The following ZNF704 variants were observed in gnomAD, a reference collection of about 807,000 sequenced individuals.
ZNF704 encodes the protein zinc finger protein 704.
In ZNF704, 10 loss-of-function variants were observed where a neutral mutation model predicts 44.7. The observed-to-expected ratio is 0.22, with a 90% CI of 0.14 to 0.38. The LOEUF (loss-of-function observed/expected upper bound fraction) is 0.38, where lower values mean the gene tolerates loss of function less well. Among genes scored for constraint, ZNF704 ranks in the 10% least tolerant of loss-of-function variants. ZNF704 has a pLI of 1.00. For synonymous variants in ZNF704, 211 were observed against 207.6 expected (o/e 1.02, Z -0.14); for missense variants, 390 against 545.5 (o/e 0.71, Z 2.84).
intron 1 of ZNF704, among the ~76,000 whole-genome samples, chr8:80,827,135 G>A (rs1234206084): frequency 6.6e-6 from 1 of 152,146 alleles, no homozygotes; most frequent in Non-Finnish European, 1.5e-5. Context: ...AAGCCAAATT[G>A]TCCCTGTTTG....
intron 7 of ZNF704, among the ~76,000 whole-genome samples, chr8:80,653,543 A>G (rs1043041633): frequency 2.0e-5 from 3 of 149,056 alleles, no homozygotes; most frequent in East Asian, 3.8e-4. Flanking sequence ...CTTAAAACCA[A>G]TAACAGACAA....
upstream of ZNF704, among the ~76,000 whole-genome samples, chr8:80,877,705 GT>G (rs1809375733): frequency 6.6e-6 from 1 of 152,212 alleles, no homozygotes; most frequent in Non-Finnish European, 1.5e-5. Flanking sequence ...GCATGGATTT[GT>G]TGAGTCCTGA....
chr8:80,747,235 C>G (rs779662488), intron 2 of ZNF704, among the ~76,000 whole-genome samples: 6 of 151,976 alleles, frequency 3.9e-5, no homozygotes, highest in Non-Finnish European at 8.8e-5. Context: ...CCACAGTGGC[C>G]TCAAAGCATA....
intron 2 of ZNF704, among the ~76,000 whole-genome samples, chr8:80,788,297 C>T (rs796771245): frequency 4.6e-5 from 7 of 152,266 alleles, no homozygotes; most frequent in African/African-American, 1.7e-4. Context: ...AAATGCAGAA[C>T]TTTTAACAAC....
chr8:80,809,275 AAGTG>A (rs1175777047), intron 2 of ZNF704, among the ~76,000 whole-genome samples: 1 of 152,206 alleles, frequency 6.6e-6, no homozygotes, highest in Admixed American at 6.5e-5. Context: ...TGGGCAACAA[AAGTG>A]AGTGAGACTT....
intron 2 of ZNF704, chr8:80,694,254 A>T (rs545156506): frequency 6.6e-6 from 1 of 152,230 alleles, no homozygotes; most frequent in Non-Finnish European, 1.5e-5. Flanking sequence ...GCCACTGGTA[A>T]TCATTCACTG....
intron 2 of ZNF704, among the ~76,000 whole-genome samples, chr8:80,695,784 T>C (rs752001740): frequency 1.1e-4 from 16 of 152,224 alleles, no homozygotes; most frequent in Non-Finnish European, 2.1e-4. Context: ...TTGAGCATCA[T>C]AAAGAGATTT....
rs1809158020 is a variant in ZNF704, at chr8:80,866,573, A to G, written c.-22+7998T>C. Reference sequence around the variant, plus strand: ...CCTTAAGATAAGATGGCACAGGGCAACTAAAAGTCAAGTTTGCTTGACTTC... The same window carrying G: ...CCTTAAGATAAGATGGCACAGGGCAGCTAAAAGTCAAGTTTGCTTGACTTC... On this transcript the variant is annotated intron_variant, in intron 1 of 8. Transcript: ENST00000327835. Among the ~76,000 whole-genome samples, 2 of 152,244 alleles carry G rather than the reference A, an allele frequency of 1.3e-5. 1 individual carries two copies. Among genetic ancestry groups the G allele is most frequent in the Admixed American group, 1.3e-4 (2 of 15,290 alleles).
rs567603052 is a variant in ZNF704 at position 80,777,598 on chromosome 8, G to A, written c.221+43776C>T. Among the ~76,000 whole-genome samples, 147 of 152,198 alleles carry A rather than the reference G, an allele frequency of 9.7e-4. No individual in the cohort carries two copies. The South Asian group carries it at 0.026, about 27-fold the overall frequency. ...TGAATCATATGAAAGTAACCCATGG[G>A]CCAGGCATGGTAGCTCACACCTGTA... On this transcript the variant is annotated intron_variant, in intron 2 of 8. Coordinates refer to ENST00000327835, the MANE Select transcript of ZNF704 (RefSeq NM_001033723.3).
At chr8:80,827,151 G>T (rs543674330) in intron 1 of ZNF704, among the ~76,000 whole-genome samples, 2 of 152,272 alleles carry the variant, frequency 1.3e-5, no homozygotes, top group East Asian at 3.9e-4. Context: ...GTTTGCAGAT[G>T]ACATCATTGT....
upstream of ZNF704, among the ~76,000 whole-genome samples, chr8:80,875,536 T>G (rs971507934): frequency 6.6e-6 from 1 of 152,168 alleles, no homozygotes; most frequent in African/African-American, 2.4e-5. Flanking sequence ...ACTCCTGACC[T>G]CAGATGATTT....
chr8:80,823,793 G>A (rs1178205831), intron 1 of ZNF704, among the ~76,000 whole-genome samples: 1 of 152,222 alleles, frequency 6.6e-6, no homozygotes, highest in Non-Finnish European at 1.5e-5. Context: ...CTCCGCTGGT[G>A]ATACCCAGGC....
At chr8:80,835,879 G>T (rs1367197623) in intron 1 of ZNF704, among the ~76,000 whole-genome samples, 5 of 152,126 alleles carry the variant, frequency 3.3e-5, no homozygotes, top group Non-Finnish European at 5.9e-5. Context: ...AATCCATGTA[G>T]AAATCCTATG....
chr8:80,825,818 G>C (rs1041986476), intron 1 of ZNF704, among the ~76,000 whole-genome samples: 2 of 152,190 alleles, frequency 1.3e-5, no homozygotes, highest in Non-Finnish European at 2.9e-5. Flanking sequence ...CCCTGCTCCT[G>C]AATGACTACT....
In ZNF704 at chr8:80,641,407, C is replaced by T. The variant is rs771781045; in HGVS notation, c.1198G>A (p.Ala400Thr). 3 of 1,613,240 alleles carry T rather than the reference C, an allele frequency of 1.9e-6. No individual in the cohort carries two copies. Among genetic ancestry groups the T allele is most frequent in the Non-Finnish European group, 2.5e-6 (3 of 1,179,754 alleles). Residue 400 changes from alanine to threonine, a missense_variant, in exon 9 of 9, where the codon GCC becomes ACC. Physicochemically the swap from Ala to Thr is moderately conservative, Grantham distance 58. This residue lies in a region of ZNF704 where 305 missense variants were observed against 435.7 expected (regional missense o/e 0.70). Coordinates refer to ENST00000327835, the MANE Select transcript of ZNF704 (RefSeq NM_001033723.3). The stretch of plus-strand genomic sequence containing the variant: ...TGGCAGGCCTTCTTCCAGCGGCAGG[C>T]GGTACACCACATGTCTCGGTTCTCC... ...GMENRDMWCT[A>T]CRWKKACQRF...
At chr8:80,814,109 T>C (rs867405568) in intron 2 of ZNF704, 21 of 152,236 alleles carry the variant, frequency 1.4e-4, no homozygotes, top group Middle Eastern at 6.8e-3. Flanking sequence ...AACAAAAACC[T>C]ACCATTCCAC....
chr8:80,813,975 A>C (rs1458894813), intron 2 of ZNF704: 1 of 152,222 alleles, frequency 6.6e-6, no homozygotes, highest in Admixed American at 6.5e-5. Flanking sequence ...ATCTTACCTT[A>C]CTACCTTCCT....
At chr8:80,696,544 A>C (rs542240159) in intron 2 of ZNF704, among the ~76,000 whole-genome samples, 4 of 152,120 alleles carry the variant, frequency 2.6e-5, no homozygotes, top group African/African-American at 4.8e-5. Flanking sequence ...CAGCCTCCCG[A>C]GTAGCTGGGA....
intron 1 of ZNF704, among the ~76,000 whole-genome samples, chr8:80,855,225 AATTT>A (rs150377263): frequency 0.018 from 2,794 of 152,294 alleles, 40 homozygotes; most frequent in Middle Eastern, 0.031. Flanking sequence ...TAGCAGAGGA[AATTT>A]ATTTGATTAT....
Sources: gnomAD v4.1 joint callset for allele counts (sites outside exome capture counted in the v4.1 genomes callset) on GRCh38, gnomAD v4.1.1 for gene constraint, gnomAD v4.1.1 regional missense constraint, MANE v1.5 for transcripts, NCBI Gene and HGNC (gene_info 2026-07-23, HGNC 2026-07-21) for gene names.